The following SYCP2 variants were observed in gnomAD, a reference collection of about 807,000 sequenced individuals.
SYCP2 encodes the protein synaptonemal complex lateral element protein.
A neutral mutation model predicts 211.3 loss-of-function variants in SYCP2; 55 were observed. That is an observed-to-expected ratio of 0.26 (90% CI 0.21 to 0.33). SYCP2 has a LOEUF of 0.33. Ranked by LOEUF, SYCP2 falls within the 10% of genes least tolerant of loss-of-function variation. SYCP2 has a pLI of 1.00. For missense variants in SYCP2, 1,731 were observed against 1,752.0 expected (o/e 0.99, Z 0.21); for synonymous variants, 570 against 555.2 (o/e 1.03, Z -0.37).
intron 14 of SYCP2, among the ~76,000 whole-genome samples, chr20:59,908,377 C>T (rs1379057028): frequency 5.3e-5 from 8 of 152,150 alleles, no homozygotes; most frequent in Non-Finnish European, 1.0e-4. Flanking sequence ...CTCTCCTATA[C>T]CTTAATTGAA....
rs1200120466 is a variant in SYCP2, at chr20:59,914,091, T to A, written c.777+18A>T. The stretch of plus-strand genomic sequence containing the variant: ...TTTTTAAAAATTCACGAATTTCTGT[T>A]ATTGTTATACAACTTACTGTTTCAA... On this transcript the variant is annotated intron_variant, in intron 11 of 44. Coordinates refer to ENST00000357552, the MANE Select transcript of SYCP2 (RefSeq NM_014258.4). The A allele has an allele frequency of 1.3e-6, 2 of 1,582,392 alleles. No individual in the cohort carries two copies. Among genetic ancestry groups the A allele is most frequent in the Non-Finnish European group, 8.6e-7 (1 of 1,163,936 alleles).
chr20:59,897,515 C>T (rs2060032843), intron 18 of SYCP2, among the ~76,000 whole-genome samples: 1 of 151,984 alleles, frequency 6.6e-6, no homozygotes, highest in East Asian at 1.9e-4. Flanking sequence ...AAGACCTTTC[C>T]AAGAGTTTAA....
At chr20:59,868,015 C>G (rs150872423) in intron 38 of SYCP2, among the ~76,000 whole-genome samples, 168 bp from the exon 39 acceptor site, 82 of 151,620 alleles carry the variant, frequency 5.4e-4, no homozygotes, top group African/African-American at 1.9e-3. Context: ...ATTTAAAAAT[C>G]AGATTATTCT....
chr20:59,890,614 A>C (rs1052352829), intron 24 of SYCP2, among the ~76,000 whole-genome samples: 2 of 152,062 alleles, frequency 1.3e-5, no homozygotes, highest in African/African-American at 2.4e-5. Flanking sequence ...AGGTAGAGAC[A>C]GTGATTCATG....
At chr20:59,875,513 T>C (rs760944517) in intron 33 of SYCP2, 44 bp from the exon 34 acceptor site, 3 of 1,459,338 alleles carry the variant, frequency 2.1e-6, no homozygotes, top group Admixed American at 3.8e-5. Context: ...AGTACAAATA[T>C]TTACACTTGG....
intron 39 of SYCP2, among the ~76,000 whole-genome samples, chr20:59,867,014 C>CAAAAAA (rs779891839): frequency 8.2e-4 from 49 of 59,986 alleles, no homozygotes; most frequent in East Asian, 2.4e-3. Context: ...GGCCTTGGGC[C>CAAAAAA]AAAAAAAAAA....
chr20:59,882,294 C>A, intron 26 of SYCP2, 129 bp from the exon 27 acceptor site: 1 of 712,240 alleles, frequency 1.4e-6, no homozygotes, highest in Non-Finnish European at 2.4e-6. Context: ...TGGCTTGTAC[C>A]AAAAAGACAG....
intron 26 of SYCP2, among the ~76,000 whole-genome samples, chr20:59,883,402 C>A (rs147918118): frequency 5.4e-4 from 82 of 152,014 alleles, no homozygotes; most frequent in African/African-American, 1.9e-3. Flanking sequence ...ATGTTCATTG[C>A]AGTAGTATTT....
intron 36 of SYCP2, 91 bp downstream of exon 36, chr20:59,869,707 T>C (rs747642193): frequency 1.0e-4 from 69 of 672,090 alleles, no homozygotes; most frequent in Non-Finnish European, 1.6e-4. Context: ...AGCATTAAAA[T>C]ATTATAATTA....
chr20:59,865,521 A>G, intron 43 of SYCP2, 52 bp downstream of exon 43: 1 of 1,575,732 alleles, frequency 6.3e-7, no homozygotes, highest in Admixed American at 1.8e-5. Flanking sequence ...TACATTAACA[A>G]ATTCTTTTTG....
chr20:59,898,373 G>T (rs1053981273), intron 18 of SYCP2, among the ~76,000 whole-genome samples: 2 of 152,196 alleles, frequency 1.3e-5, no homozygotes, highest in African/African-American at 4.8e-5. Context: ...TATACATCAT[G>T]GAATACTATG....
chr20:59,907,629 A>G lies in SYCP2; in HGVS notation c.973-205T>C, dbSNP rs373576659. Among the ~76,000 whole-genome samples, 4 of 152,214 alleles carry G rather than the reference A, an allele frequency of 2.6e-5. No individual in the cohort carries two copies. The East Asian group carries it at 7.7e-4, about 29-fold the overall frequency. ...TGTATTTGTTCATTATTAAAACGAAATGATGATTTTGACAATTTTCTATTC... is the reference window on the plus strand; with the variant it reads ...TGTATTTGTTCATTATTAAAACGAAGTGATGATTTTGACAATTTTCTATTC... On this transcript the variant is annotated intron_variant, in intron 14 of 44. Coordinates refer to ENST00000357552, the MANE Select transcript of SYCP2 (RefSeq NM_014258.4).
chr20:59,916,161 GTTACT>G (rs1176865039), intron 8 of SYCP2, among the ~76,000 whole-genome samples: 2 of 152,062 alleles, frequency 1.3e-5, no homozygotes, highest in African/African-American at 2.4e-5. Flanking sequence ...GCCAAAAAAT[GTTACT>G]TTATTTTGTT....
At chr20:59,887,938 C>A (rs866615310) in intron 24 of SYCP2, among the ~76,000 whole-genome samples, 1 of 151,940 alleles carries the variant, frequency 6.6e-6, no homozygotes, top group Non-Finnish European at 1.5e-5. Flanking sequence ...TGGACCAATT[C>A]CTTGAAAGAC....
At chr20:59,898,253 T>C (rs1210315777) in intron 18 of SYCP2, among the ~76,000 whole-genome samples, 4 of 152,202 alleles carry the variant, frequency 2.6e-5, no homozygotes, top group Admixed American at 1.3e-4. Flanking sequence ...CATTCTAACA[T>C]AAAGACACAT....
chr20:59,924,389 G>T (rs1381086760), intron 2 of SYCP2, among the ~76,000 whole-genome samples: 10 of 151,922 alleles, frequency 6.6e-5, no homozygotes, highest in Non-Finnish European at 1.5e-4. Context: ...AAATTTGTGT[G>T]TTTTTCTCCA....
chr20:59,915,718 C>T, intron 8 of SYCP2, 168 bp from the exon 9 acceptor site: 1 of 502,252 alleles, frequency 2.0e-6, no homozygotes, highest in Non-Finnish European at 3.5e-6. Flanking sequence ...TAAAATAGGC[C>T]AGGCATGGTG....
chr20:59,877,940 GAAT>G, intron 32 of SYCP2, 65 bp downstream of exon 32: 2 of 1,213,216 alleles, frequency 1.6e-6, no homozygotes, highest in Non-Finnish European at 2.4e-6. Flanking sequence ...ATGAGATGAT[GAAT>G]TATTTTTATA....
chr20:59,902,681 C>T (rs1176812783), intron 15 of SYCP2, among the ~76,000 whole-genome samples: 1 of 152,096 alleles, frequency 6.6e-6, no homozygotes, highest in Non-Finnish European at 1.5e-5. Context: ...CTTATGAGGC[C>T]TGCCCAAGCA....
Sources: allele counts gnomAD v4.1 joint callset (sites outside exome capture counted in the v4.1 genomes callset), GRCh38; gene constraint gnomAD v4.1.1; transcripts MANE v1.5; gene names NCBI Gene and HGNC (gene_info 2026-07-23, HGNC 2026-07-21).